The following LAP3 variants were observed in gnomAD, a reference collection of about 807,000 sequenced individuals.
LAP3 encodes cytosol aminopeptidase.
In LAP3, 46 loss-of-function variants were observed where a neutral mutation model predicts 58.8. The observed-to-expected ratio is 0.78, with a 90% confidence interval of 0.62 to 1.00. LAP3 has a LOEUF of 1.00. LAP3 is among the 50% of genes least tolerant of loss of function. The pLI is 0.00. For missense variants in LAP3, 615 were observed against 659.1 expected (o/e 0.93, Z 0.73); for synonymous variants, 257 against 237.7 (o/e 1.08, Z -0.75).
chr4:17,604,270 CAAAA>C (rs1188734524), intron 10 of LAP3, among the ~76,000 whole-genome samples: 3 of 51,098 alleles, frequency 5.9e-5, no homozygotes, highest in African/African-American at 1.6e-4. Flanking sequence ...AGACCTTTCT[CAAAA>C]AAAAAAAAAA....
intron 2 of LAP3, among the ~76,000 whole-genome samples, chr4:17,581,011 T>C (rs891253969): frequency 2.6e-5 from 4 of 152,388 alleles, no homozygotes; most frequent in East Asian, 1.9e-4. Context: ...CTCAAGTGCA[T>C]TGATTAATTC....
At position 17,595,535 on chromosome 4, in the gene LAP3, G is replaced by A. The variant is rs745788472; in HGVS notation, c.988+1G>A. On this transcript the variant is annotated splice_donor_variant, in intron 8 of 12. Coordinates refer to ENST00000226299, the MANE Select transcript of LAP3 (RefSeq NM_015907.3). LOFTEE classifies it high-confidence loss of function. ...CTTAATTTGCCCATTAATATTATAGGTAAGTGGGGTAACGGATTACATCTC... is the reference window on the plus strand; with the variant it reads ...CTTAATTTGCCCATTAATATTATAGATAAGTGGGGTAACGGATTACATCTC... 1.5e-5 allele frequency: 24 copies of A among 1,613,608 alleles called. No individual in the cohort carries two copies. The East Asian group carries it at 5.4e-4, about 36-fold the overall frequency.
At chr4:17,604,809 A>G in intron 11 of LAP3, 142 bp downstream of exon 11, 1 of 672,278 alleles carries the variant, frequency 1.5e-6, no homozygotes. Context: ...AACCACAGCA[A>G]TAGATTGAGT....
intron 2 of LAP3, among the ~76,000 whole-genome samples, chr4:17,580,627 C>T (rs1713340335): frequency 6.6e-6 from 1 of 152,162 alleles, no homozygotes; most frequent in Non-Finnish European, 1.5e-5. Context: ...TTTAACTCCC[C>T]TTTTCTTGTG....
chr4:17,592,220 C>T (rs890942732), intron 7 of LAP3, among the ~76,000 whole-genome samples: 1 of 152,188 alleles, frequency 6.6e-6, no homozygotes, highest in Admixed American at 6.5e-5. Context: ...CCAGAAGTTC[C>T]CTTCTGCCTT....
intron 9 of LAP3, 44 bp from the exon 10 acceptor site, chr4:17,598,412 T>C: frequency 6.4e-6 from 9 of 1,405,462 alleles, no homozygotes; most frequent in Non-Finnish European, 9.1e-6. Flanking sequence ...GTTTTCATAT[T>C]CTTTACTTGC....
At chr4:17,581,018 A>G (rs1713348405) in intron 2 of LAP3, among the ~76,000 whole-genome samples, 1 of 152,232 alleles carries the variant, frequency 6.6e-6, no homozygotes, top group Non-Finnish European at 1.5e-5. Context: ...GCATTGATTA[A>G]TTCATTAATC....
At chr4:17,602,972 G>A (rs755660882) in intron 10 of LAP3, among the ~76,000 whole-genome samples, 27 of 151,154 alleles carry the variant, frequency 1.8e-4, no homozygotes, top group Non-Finnish European at 3.5e-4. Context: ...GTGAGCCACC[G>A]CGCCCAGCCA....
intron 10 of LAP3, 137 bp downstream of exon 10, chr4:17,598,695 A>T: frequency 1.6e-6 from 1 of 635,232 alleles, no homozygotes; most frequent in Admixed American, 2.7e-5. Flanking sequence ...TCACCAGAGG[A>T]ATTGTTCTGC....
intron 6 of LAP3, chr4:17,585,416 C>A: frequency 4.6e-6 from 1 of 216,936 alleles, no homozygotes; most frequent in Non-Finnish European, 9.1e-6. Flanking sequence ...TTCACCAATG[C>A]AAAGTGTGCA....
At chr4:17,593,652 C>T (rs1374335811) in intron 7 of LAP3, among the ~76,000 whole-genome samples, 1 of 119,058 alleles carries the variant, frequency 8.4e-6, no homozygotes, top group Admixed American at 1.2e-4. Flanking sequence ...CACTCTGTTG[C>T]CCAGGCTGGA....
At chr4:17,591,872 T>C (rs889832173) in intron 7 of LAP3, among the ~76,000 whole-genome samples, 1 of 152,158 alleles carries the variant, frequency 6.6e-6, no homozygotes, top group African/African-American at 2.4e-5. Context: ...TGGCCGTAAC[T>C]GAAGGGTTTC....
At chr4:17,579,079 AG>A (rs1163460039) in intron 1 of LAP3, among the ~76,000 whole-genome samples, 1 of 152,246 alleles carries the variant, frequency 6.6e-6, no homozygotes, top group Non-Finnish European at 1.5e-5. Context: ...AGTCTGCAAG[AG>A]GAAAATGAAG....
intron 10 of LAP3, among the ~76,000 whole-genome samples, chr4:17,603,729 G>A (rs1223843097): frequency 3.3e-5 from 5 of 151,522 alleles, no homozygotes; most frequent in Non-Finnish European, 7.4e-5. Flanking sequence ...GGTCAGGCTC[G>A]TCTCAAACTC....
chr4:17,602,024 G>C (rs546375015), intron 10 of LAP3, among the ~76,000 whole-genome samples: 22 of 152,260 alleles, frequency 1.4e-4, no homozygotes, highest in African/African-American at 4.8e-4. Flanking sequence ...TAAAGACATG[G>C]TTAAGAATTT....
At chr4:17,589,260 C>T (rs556896299) in intron 7 of LAP3, among the ~76,000 whole-genome samples, 9 of 151,914 alleles carry the variant, frequency 5.9e-5, no homozygotes, top group Admixed American at 3.3e-4. Flanking sequence ...GGGGTTTTGC[C>T]GTGTTGGCCA....
intron 1 of LAP3, among the ~76,000 whole-genome samples, chr4:17,579,111 C>T (rs1268194880): frequency 6.6e-6 from 1 of 152,178 alleles, no homozygotes; most frequent in East Asian, 1.9e-4. Context: ...GCGTTGGGCC[C>T]AAAAGCTTGT....
At chr4:17,595,645 T>C in intron 8 of LAP3, 111 bp downstream of exon 8, 1 of 1,273,500 alleles carries the variant, frequency 7.9e-7, no homozygotes, top group Non-Finnish European at 1.1e-6. Context: ...GAAATGATTT[T>C]TAAATAGTCA....
At chr4:17,598,344 G>T in intron 9 of LAP3, 112 bp from the exon 10 acceptor site, 2 of 754,218 alleles carry the variant, frequency 2.7e-6, no homozygotes, top group South Asian at 2.9e-5. Flanking sequence ...GTTTGATAAT[G>T]ACACACGTCA....
Sources: allele counts gnomAD v4.1 joint callset (sites outside exome capture counted in the v4.1 genomes callset), GRCh38; gene constraint gnomAD v4.1.1; transcripts MANE v1.5; gene names NCBI Gene and HGNC (gene_info 2026-07-23, HGNC 2026-07-21).